The following NUP160 variants were observed in gnomAD, a reference collection of about 807,000 sequenced individuals.
The protein encoded by NUP160 is nucleoporin 160.
NUP160 carries 94 observed loss-of-function variants against 196.9 expected under a neutral mutation model. The observed-to-expected ratio is 0.48, with a 90% confidence interval of 0.40 to 0.57. The LOEUF is 0.57. Ranked by LOEUF, NUP160 falls within the 20% of genes least tolerant of loss-of-function variation. NUP160 has a pLI of 0.00. For synonymous variants in NUP160, 605 were observed against 619.7 expected (o/e 0.98, Z 0.35); for missense variants, 1,638 against 1,748.3 (o/e 0.94, Z 1.13).
intron 11 of NUP160, 31 bp from the exon 12 acceptor site, chr11:47,816,060 A>G (rs768204186): frequency 2.1e-6 from 3 of 1,441,982 alleles, no homozygotes; most frequent in African/African-American, 1.4e-5. Flanking sequence ...AGACTTCTAT[A>G]TAATAGCCAA....
At chr11:47,825,944 T>C (rs1229322924) in intron 7 of NUP160, among the ~76,000 whole-genome samples, 1 of 152,094 alleles carries the variant, frequency 6.6e-6, no homozygotes, top group Non-Finnish European at 1.5e-5. Context: ...TGATGACCCT[T>C]ATATGCAGCT....
At chr11:47,838,230 T>C (rs549698733) in intron 4 of NUP160, among the ~76,000 whole-genome samples, 1 of 152,274 alleles carries the variant, frequency 6.6e-6, no homozygotes, top group South Asian at 2.1e-4. Flanking sequence ...TAGCTGACAA[T>C]ACCAAACAAA....
intron 15 of NUP160, 95 bp downstream of exon 15, chr11:47,812,787 T>C: frequency 1.0e-6 from 1 of 994,024 alleles, no homozygotes; most frequent in South Asian, 1.6e-5. Flanking sequence ...AAGCTACTAT[T>C]CTGTACGCTC....
intron 7 of NUP160, among the ~76,000 whole-genome samples, chr11:47,829,825 G>A (rs1382509247): frequency 6.6e-6 from 1 of 152,110 alleles, no homozygotes; most frequent in African/African-American, 2.4e-5. Context: ...ATTTCAAGAC[G>A]AAGACACTAA....
intron 2 of NUP160, chr11:47,841,594 G>A: frequency 2.3e-6 from 1 of 430,624 alleles, no homozygotes; most frequent in Admixed American, 2.8e-5. Context: ...ACCGAAGACA[G>A]CCAGTGTTAC....
chr11:47,824,054 C>T (rs77220768), intron 7 of NUP160, among the ~76,000 whole-genome samples: 12,929 of 74,864 alleles, frequency 0.17, 1,050 homozygotes, highest in Admixed American at 0.27. Flanking sequence ...TATATATATA[C>T]ACACACACAT....
chr11:47,825,300 T>TTTTC (rs1202818876), intron 7 of NUP160, among the ~76,000 whole-genome samples: 1 of 151,862 alleles, frequency 6.6e-6, no homozygotes, highest in Non-Finnish European at 1.5e-5. Context: ...TTTTTTTTTT[T>TTTTC]GGAGACGAGT....
intron 2 of NUP160, among the ~76,000 whole-genome samples, chr11:47,843,921 C>G (rs1852353112): frequency 6.6e-6 from 1 of 152,218 alleles, no homozygotes; most frequent in African/African-American, 2.4e-5. Flanking sequence ...TCAGGCATCT[C>G]AGATTACACC....
intron 10 of NUP160, 90 bp from the exon 11 acceptor site, chr11:47,818,214 G>C: frequency 1.3e-6 from 1 of 796,762 alleles, no homozygotes; most frequent in Non-Finnish European, 2.2e-6. Flanking sequence ...TCTACTATAT[G>C]AACATTGCCA....
chr11:47,804,479 C>T, intron 21 of NUP160, 70 bp downstream of exon 21: 1 of 1,032,008 alleles, frequency 9.7e-7, no homozygotes, highest in Admixed American at 2.7e-5. Flanking sequence ...TTAACATTTA[C>T]AAAGAAAAAA....
In NUP160 at chr11:47,813,062, A is replaced by G. The variant is rs1286798609; in HGVS notation, c.1787-15T>C. ...GATGTCCACATCTACAAATAAGAGA[A>G]AGTTAACATTTATGTCTTAAGCCAA... On this transcript the variant is annotated splice_polypyrimidine_tract_variant and intron_variant, in intron 14 of 35. Coordinates refer to ENST00000378460, the Ensembl canonical transcript of NUP160. The G allele has an allele frequency of 6.4e-7, 1 of 1,563,560 alleles. No individual in the cohort carries two copies. Among genetic ancestry groups the G allele is most frequent in the Non-Finnish European group, 8.8e-7 (1 of 1,140,218 alleles).
At chr11:47,791,298 G>A (rs988925093) in intron 29 of NUP160, among the ~76,000 whole-genome samples, 1 of 152,044 alleles carries the variant, frequency 6.6e-6, no homozygotes, top group African/African-American at 2.4e-5. Flanking sequence ...TGCTCTTTGG[G>A]AGCACTTCCA....
chr11:47,812,371 C>T, exon 16 of NUP160: 1 of 1,613,666 alleles, frequency 6.2e-7, no homozygotes, highest in Non-Finnish European at 8.5e-7. Flanking sequence ...AGTCCAATTG[C>T]ATGGATTGGG....
intron 18 of NUP160, 33 bp downstream of exon 18, chr11:47,808,363 T>A (rs769737200): frequency 6.3e-7 from 1 of 1,580,114 alleles, no homozygotes; most frequent in Non-Finnish European, 8.6e-7. Context: ...ACTCACAATT[T>A]ACATTTTAAA....
chr11:47,842,022 C>T lies in NUP160; in HGVS notation c.315-1434G>A, dbSNP rs1326145597. ...CTCTTACTTGACTCTTAGCAGCATT[C>T]CACATGATTACAGGTGTTAGCCACC... On this transcript the variant is annotated intron_variant, in intron 2 of 35. Coordinates refer to ENST00000378460, the Ensembl canonical transcript of NUP160. 4.6e-5 allele frequency among the ~76,000 whole-genome samples: 7 copies of T among 151,994 alleles called. No individual in the cohort carries two copies. In the East Asian group the frequency reaches 1.4e-3, roughly 29 times the overall value.
intron 34 of NUP160, among the ~76,000 whole-genome samples, chr11:47,782,303 AATATATATATATAT>A (rs10529981): frequency 1.2e-4 from 5 of 40,526 alleles, no homozygotes; most frequent in African/African-American, 3.7e-4. Flanking sequence ...AAAAAAAAAA[AATATATATATATAT>A]ATATATATAT....
At chr11:47,839,932 C>G (rs1852261623) in exon 4 of NUP160, 1 of 1,614,018 alleles carries the variant, frequency 6.2e-7, no homozygotes, top group African/African-American at 1.3e-5. Context: ...ACTGCTGAGC[C>G]AGGCTGTAGA....
At chr11:47,828,935 C>T (rs760607173) in intron 7 of NUP160, among the ~76,000 whole-genome samples, 4 of 151,588 alleles carry the variant, frequency 2.6e-5, no homozygotes, top group African/African-American at 4.8e-5. Context: ...AAAAAAACCC[C>T]ACAAAACTAA....
chr11:47,826,945 G>A, intron 7 of NUP160: 1 of 428,250 alleles, frequency 2.3e-6, no homozygotes, highest in Middle Eastern at 3.5e-4. Context: ...AATCAGTGGT[G>A]GGTAAAATTA....
Sources: allele counts gnomAD v4.1 joint callset (sites outside exome capture counted in the v4.1 genomes callset), GRCh38; gene constraint gnomAD v4.1.1; transcripts MANE v1.5; gene names NCBI Gene and HGNC (gene_info 2026-07-23, HGNC 2026-07-21).